The following WDR27 variants were observed in gnomAD, a reference collection of about 807,000 sequenced individuals.
WDR27 encodes WD repeat-containing protein 27.
Under a neutral mutation model 114.4 loss-of-function variants are expected in WDR27, and 100 were observed. The ratio of observed to expected loss-of-function variants is 0.87; its 90% CI spans 0.74 to 1.03. The LOEUF (loss-of-function observed/expected upper bound fraction) is 1.03. Ranked by LOEUF, WDR27 falls within the 50% of genes least tolerant of loss-of-function variation. The pLI is 0.00. For synonymous variants in WDR27, 449 were observed against 423.1 expected (o/e 1.06, Z -0.75); for missense variants, 1,129 against 1,092.9 (o/e 1.03, Z -0.47).
chr6:169,521,653 A>T (rs1272409060), intron 25 of WDR27, among the ~76,000 whole-genome samples: 3 of 152,142 alleles, frequency 2.0e-5, no homozygotes, highest in Non-Finnish European at 4.4e-5. Flanking sequence ...ACTAAAAGTC[A>T]AAATAGATGG....
chr6:169,610,755 G>A (rs1211471833), intron 22 of WDR27, among the ~76,000 whole-genome samples: 5 of 152,180 alleles, frequency 3.3e-5, no homozygotes, highest in Non-Finnish European at 2.9e-5. Flanking sequence ...AGCTTGGGTG[G>A]AGCTGGAGGC....
At chr6:169,450,664 G>A in the WDR27 span, among the ~76,000 whole-genome samples, 1 of 152,174 alleles carries the variant, frequency 6.6e-6, no homozygotes, top group Non-Finnish European at 1.5e-5. Flanking sequence ...CACTGGGTCT[G>A]GCTTCTTTAG....
At chr6:169,629,911 G>C (rs1268559127) in intron 21 of WDR27, among the ~76,000 whole-genome samples, 1 of 118,580 alleles carries the variant, frequency 8.4e-6, no homozygotes. Flanking sequence ...TGGGCGACAA[G>C]AGCGAAACTT....
chr6:169,531,208 G>A (rs1388229378), intron 25 of WDR27, among the ~76,000 whole-genome samples: 1 of 152,138 alleles, frequency 6.6e-6, no homozygotes, highest in East Asian at 1.9e-4. Context: ...AATTGATGCT[G>A]GTTTTCTTTT....
chr6:169,516,271 C>G (rs541741885), intron 25 of WDR27, among the ~76,000 whole-genome samples: 1 of 152,280 alleles, frequency 6.6e-6, no homozygotes, highest in East Asian at 1.9e-4. Context: ...TTCTCCAGCT[C>G]CATTTTCAAC....
chr6:169,605,658 C>A (rs1320929935), intron 22 of WDR27, among the ~76,000 whole-genome samples: 1 of 149,014 alleles, frequency 6.7e-6, no homozygotes, highest in East Asian at 2.0e-4. Flanking sequence ...CCAAAGTAAT[C>A]CTAAATAAAA....
chr6:169,608,224 T>C (rs1391915195), intron 22 of WDR27, among the ~76,000 whole-genome samples: 1 of 152,230 alleles, frequency 6.6e-6, no homozygotes, highest in Non-Finnish European at 1.5e-5. Flanking sequence ...TCTCACTACT[T>C]GGTATCTACC....
intron 17 of WDR27, among the ~76,000 whole-genome samples, chr6:169,641,969 G>C (rs1431993773): frequency 6.6e-6 from 1 of 152,214 alleles, no homozygotes; most frequent in Non-Finnish European, 1.5e-5. Context: ...CTTTGGACTA[G>C]ACACAATTTT....
At position 169,662,423 on chromosome 6, in the gene WDR27, T is replaced by A; in HGVS notation, c.906A>T (p.Glu302Asp). The change falls in exon 9 of 26, where the codon GAA becomes GAT. Residue 302 changes from glutamate to aspartate, a missense_variant and splice_region_variant. Transcript: ENST00000448612. ...RVKSGLCSQP[E>D]ESQLPSTSAL... ...CACTTGTAGAGGGAAGCTGGCTTTC[T>A]TCTAGGGACAGAATTATTGAGAATC... 2 of 1,613,922 alleles carry A rather than the reference T, an allele frequency of 1.2e-6. No homozygotes were observed.
intron 22 of WDR27, among the ~76,000 whole-genome samples, chr6:169,604,379 C>A (rs1440378643): frequency 6.6e-6 from 1 of 152,048 alleles, no homozygotes; most frequent in Non-Finnish European, 1.5e-5. Context: ...CCTGGAAATA[C>A]ACAACTTCCC....
chr6:169,631,337 A>C (rs918195974), intron 21 of WDR27, among the ~76,000 whole-genome samples: 5 of 152,068 alleles, frequency 3.3e-5, no homozygotes, highest in African/African-American at 9.7e-5. Flanking sequence ...AACTCTCCCC[A>C]AGCTGATATT....
intron 23 of WDR27, 31 bp downstream of exon 23, chr6:169,602,188 C>G (rs990054920): frequency 3.4e-5 from 50 of 1,488,476 alleles, no homozygotes; most frequent in Non-Finnish European, 4.4e-5. Flanking sequence ...TCTAGACTCT[C>G]TACATTTATA....
intron 13 of WDR27, among the ~76,000 whole-genome samples, chr6:169,656,514 GGGGGAAAGCATGTGAGGCGGCTTGT>G (rs1265100703): frequency 2.0e-5 from 3 of 152,130 alleles, no homozygotes; most frequent in Non-Finnish European, 2.9e-5. Flanking sequence ...AGGCGGGGTG[GGGGGAAAGCATGTGAGGCGGCTTGT>G]GGGGTCCAGG....
intron 25 of WDR27, chr6:169,559,178 A>G (rs2128111494): frequency 6.6e-6 from 1 of 152,336 alleles, no homozygotes; most frequent in South Asian, 2.1e-4. Context: ...ATGGCAGTGA[A>G]AGATCAATAC....
chr6:169,551,737 C>CAAAAAA (rs1296878043), intron 25 of WDR27, among the ~76,000 whole-genome samples: 6 of 60,662 alleles, frequency 9.9e-5, no homozygotes, highest in African/African-American at 1.4e-4. Context: ...GACTCCATCT[C>CAAAAAA]AAAAAAAAAA....
At chr6:169,646,130 C>T (rs778343924) in intron 16 of WDR27, among the ~76,000 whole-genome samples, 7 of 152,236 alleles carry the variant, frequency 4.6e-5, no homozygotes, top group Non-Finnish European at 8.8e-5. Context: ...ACACTAACAT[C>T]GGCATGGGGG....
chr6:169,567,179 G>A (rs1800638071), intron 25 of WDR27, among the ~76,000 whole-genome samples: 1 of 152,210 alleles, frequency 6.6e-6, no homozygotes. Flanking sequence ...CTGCTGGGGA[G>A]GACCCGGGAT....
chr6:169,550,998 C>G (rs79828412), intron 25 of WDR27, among the ~76,000 whole-genome samples: 2,486 of 152,234 alleles, frequency 0.016, 63 homozygotes, highest in African/African-American at 0.057. Flanking sequence ...TTACAGGTGT[C>G]AGCCACCGCA....
At chr6:169,451,425 C>G in the WDR27 span, among the ~76,000 whole-genome samples, 1 of 152,204 alleles carries the variant, frequency 6.6e-6, no homozygotes, top group African/African-American at 2.4e-5. Flanking sequence ...GAGGCTGTGT[C>G]ACGGCACGTC....
Sources: gnomAD v4.1 joint callset for allele counts (sites outside exome capture counted in the v4.1 genomes callset) on GRCh38, gnomAD v4.1.1 for gene constraint, MANE v1.5 for transcripts, NCBI Gene and HGNC (gene_info 2026-07-23, HGNC 2026-07-21) for gene names.